ANKS1B: variants seen among roughly 807,000 people sequenced by gnomAD.
ANKS1B encodes ankyrin repeat and sterile alpha motif domain-containing protein 1B.
A neutral mutation model predicts 148.3 loss-of-function variants in ANKS1B; 36 were observed. The observed-to-expected ratio is 0.24, with a 90% CI of 0.19 to 0.32. ANKS1B has a LOEUF of 0.32. ANKS1B is among the 10% of genes least tolerant of loss of function. The probability of loss-of-function intolerance (pLI) is 1.00; values close to 1 mark genes in which losing one functional copy is unlikely to be tolerated. For missense variants in ANKS1B, 1,157 were observed against 1,542.6 expected, an observed-to-expected ratio of 0.75 and a Z score of 4.19; for synonymous variants, 542 against 560.8, an observed-to-expected ratio of 0.97 and a Z score of 0.47.
Position 98,876,138 on chromosome 12 carries a change from C to T in ANKS1B, c.2779-44002G>A, listed in dbSNP as rs565325953. On this transcript the variant is annotated intron_variant, in intron 17 of 26. Transcript: ENST00000683438. Reference sequence around the variant, plus strand: ...CCTCTGCTTAAAGTCCCTTCAATGGCTTCCCATTGCTAGGAGGCTGATGTC... The same window carrying T: ...CCTCTGCTTAAAGTCCCTTCAATGGTTTCCCATTGCTAGGAGGCTGATGTC... Among the ~76,000 whole-genome samples, 8 of 152,304 alleles carry T rather than the reference C, an allele frequency of 5.3e-5. No homozygotes were observed. The South Asian group carries it at 1.7e-3, about 32-fold the overall frequency.
intron 17 of ANKS1B, chr12:98,931,770 AC>A (rs1390615527): frequency 6.6e-6 from 1 of 151,958 alleles, no homozygotes; most frequent in Non-Finnish European, 1.5e-5. Flanking sequence ...CCCTGTGTTT[AC>A]CCCCTCGAGC....
chr12:98,799,926 T>C (rs11614382), intron 21 of ANKS1B, among the ~76,000 whole-genome samples: 42,736 of 151,584 alleles, frequency 0.28, 6,515 homozygotes, highest in Middle Eastern at 0.36. Context: ...TTTTAGAAGA[T>C]ATCTGATGGA....
intron 19 of ANKS1B, among the ~76,000 whole-genome samples, chr12:98,823,683 G>A (rs1566900874): frequency 1.3e-5 from 2 of 152,234 alleles, no homozygotes; most frequent in Non-Finnish European, 2.9e-5. Flanking sequence ...GTAGAGACGG[G>A]GTTTCGCCAT....
intron 4 of ANKS1B, among the ~76,000 whole-genome samples, chr12:99,794,837 T>C (rs1207473748): frequency 6.6e-6 from 1 of 151,850 alleles, no homozygotes; most frequent in East Asian, 1.9e-4. Context: ...CATTTAAAAA[T>C]AAATAATTGT....
intron 10 of ANKS1B, among the ~76,000 whole-genome samples, chr12:99,461,915 C>A (rs2095980648): frequency 6.6e-6 from 1 of 152,226 alleles, no homozygotes; most frequent in South Asian, 2.1e-4. Context: ...CACTTCCTCT[C>A]TCTTCCACAC....
intron 17 of ANKS1B, among the ~76,000 whole-genome samples, chr12:98,840,429 T>C (rs996865846): frequency 2.0e-5 from 3 of 152,036 alleles, no homozygotes; most frequent in Admixed American, 6.6e-5. Flanking sequence ...TACTAACCTA[T>C]GGAAAGGAAA....
At chr12:99,432,816 T>G (rs1471721262) in intron 11 of ANKS1B, among the ~76,000 whole-genome samples, 1 of 152,170 alleles carries the variant, frequency 6.6e-6, no homozygotes, top group Non-Finnish European at 1.5e-5. Flanking sequence ...AGGAGCTGTT[T>G]GGCTAATCTA....
intron 17 of ANKS1B, among the ~76,000 whole-genome samples, chr12:98,908,637 C>G (rs2099782649): frequency 6.6e-6 from 1 of 152,152 alleles, no homozygotes; most frequent in African/African-American, 2.4e-5. Context: ...AGGAAGAAAT[C>G]TTTTGGTAAG....
chr12:99,226,948 C>A (rs765740236), intron 14 of ANKS1B, among the ~76,000 whole-genome samples: 1 of 152,088 alleles, frequency 6.6e-6, no homozygotes, highest in African/African-American at 2.4e-5. Context: ...AGTGACAGGG[C>A]GGAGCTAAGC....
chr12:99,231,294 C>A (rs1043170056), intron 14 of ANKS1B, among the ~76,000 whole-genome samples: 31 of 152,082 alleles, frequency 2.0e-4, no homozygotes, highest in Non-Finnish European at 8.8e-5. Flanking sequence ...TCTACTTACA[C>A]CCCCTCAGAT....
At chr12:99,291,514 A>G (rs2079974622) in intron 12 of ANKS1B, among the ~76,000 whole-genome samples, 1 of 152,240 alleles carries the variant, frequency 6.6e-6, no homozygotes. Flanking sequence ...TATTGTAACA[A>G]AAACAGCATG....
At chr12:99,542,218 G>A (rs1382039791) in intron 9 of ANKS1B, among the ~76,000 whole-genome samples, 1 of 152,122 alleles carries the variant, frequency 6.6e-6, no homozygotes, top group East Asian at 1.9e-4. Context: ...CAGCAAGTTT[G>A]CAGATACAAG....
rs117785369 is a variant in ANKS1B at position 98,887,859 on chromosome 12, G to A, written c.2779-55723C>T. 1.0e-2 allele frequency among the ~76,000 whole-genome samples: 1,515 copies of A among 152,072 alleles called. 10 individuals are homozygous for A. The highest frequency in any genetic ancestry group is 0.017 in the Non-Finnish European group (1,161 of 67,972). On this transcript the variant is annotated intron_variant, in intron 17 of 26. Transcript: ENST00000683438. Reference sequence around the variant, plus strand: ...AACTTCTGGCCTCAAGCTCTCCACCGGCCTCAGCCTCCCAAAGTGCTAGGA... The same window carrying A: ...AACTTCTGGCCTCAAGCTCTCCACCAGCCTCAGCCTCCCAAAGTGCTAGGA...
intron 19 of ANKS1B, among the ~76,000 whole-genome samples, chr12:98,822,789 C>A (rs1309847851): frequency 6.6e-6 from 1 of 152,074 alleles, no homozygotes; most frequent in Non-Finnish European, 1.5e-5. Context: ...TTCTTGATGA[C>A]CTTGACAGGG....
chr12:99,002,467 C>T (rs1457897866), intron 17 of ANKS1B, among the ~76,000 whole-genome samples: 1 of 150,112 alleles, frequency 6.7e-6, no homozygotes, highest in East Asian at 1.9e-4. Context: ...TTAACATAGC[C>T]GACACTTCAT....
intron 17 of ANKS1B, among the ~76,000 whole-genome samples, chr12:98,988,029 C>G (rs1276291506): frequency 1.3e-5 from 2 of 152,092 alleles, no homozygotes; most frequent in African/African-American, 4.8e-5. Flanking sequence ...TTATTGCATG[C>G]AACATGATGT....
chr12:99,792,245 CATA>C (rs1045283055), intron 4 of ANKS1B, among the ~76,000 whole-genome samples: 2 of 151,684 alleles, frequency 1.3e-5, no homozygotes, highest in Admixed American at 6.6e-5. Context: ...AGATCGAAGC[CATA>C]ATAAAAAGTC....
At chr12:98,794,473 T>C (rs1022225985) in intron 22 of ANKS1B, 1 of 333,676 alleles carries the variant, frequency 3.0e-6, no homozygotes, top group East Asian at 6.0e-5. Flanking sequence ...TGGGGACCCA[T>C]GGGGGTTCAA....
chr12:99,867,462 C>T (rs934836489), intron 1 of ANKS1B, among the ~76,000 whole-genome samples: 2 of 152,168 alleles, frequency 1.3e-5, no homozygotes, highest in Non-Finnish European at 2.9e-5. Context: ...CACAGCTCCA[C>T]GTGGCTAGGA....
Sources: gnomAD v4.1 joint callset for allele counts (sites outside exome capture counted in the v4.1 genomes callset) on GRCh38, gnomAD v4.1.1 for gene constraint, MANE v1.5 for transcripts, NCBI Gene and HGNC (gene_info 2026-07-23, HGNC 2026-07-21) for gene names.